STAU2: variants seen among roughly 807,000 people sequenced by gnomAD.
The protein encoded by STAU2 is double-stranded RNA-binding protein Staufen homolog 2.
A neutral mutation model predicts 65.9 loss-of-function variants in STAU2; 20 were observed. That is an observed-to-expected ratio of 0.30 (90% confidence interval 0.21 to 0.44). The LOEUF is 0.44. Among genes scored for constraint, STAU2 ranks in the 20% least tolerant of loss-of-function variants. The pLI is 1.00. For missense variants in STAU2, 558 were observed against 683.9 expected (o/e 0.82, Z 2.05); for synonymous variants, 232 against 233.9 (o/e 0.99, Z 0.07).
At chr8:73,686,058 A>C (rs1818787443) in intron 5 of STAU2, among the ~76,000 whole-genome samples, 1 of 152,248 alleles carries the variant, frequency 6.6e-6, no homozygotes, top group South Asian at 2.1e-4. Flanking sequence ...ACAGGAATGG[A>C]AAACCAAATG....
intron 12 of STAU2, among the ~76,000 whole-genome samples, chr8:73,563,169 A>G (rs1808360387): frequency 6.6e-6 from 1 of 152,190 alleles, no homozygotes; most frequent in Non-Finnish European, 1.5e-5. Context: ...TCACCCTTGC[A>G]AAGCTGTAAC....
At chr8:73,607,959 G>A (rs143435180) in intron 9 of STAU2, among the ~76,000 whole-genome samples, 95 of 152,192 alleles carry the variant, frequency 6.2e-4, no homozygotes, top group East Asian at 3.5e-3. Flanking sequence ...ACTTATGTAA[G>A]AGCCACTATG....
At chr8:73,472,129 AAT>A (rs1399214911) in intron 13 of STAU2, among the ~76,000 whole-genome samples, 18 of 152,252 alleles carry the variant, frequency 1.2e-4, no homozygotes, top group African/African-American at 4.3e-4. Flanking sequence ...AGTGTACTAG[AAT>A]TGGGTGGAGA....
intron 1 of STAU2, among the ~76,000 whole-genome samples, chr8:73,744,927 T>C (rs948599386): frequency 2.0e-5 from 3 of 152,206 alleles, no homozygotes; most frequent in Non-Finnish European, 4.4e-5. Flanking sequence ...AATTTAAAAA[T>C]TACACAGCAT....
chr8:73,476,432 G>A (rs1396445246), intron 13 of STAU2, among the ~76,000 whole-genome samples: 1 of 152,090 alleles, frequency 6.6e-6, no homozygotes, highest in Non-Finnish European at 1.5e-5. Flanking sequence ...AATCTAGATT[G>A]CTCTAACTCA....
At chr8:73,564,062 G>A (rs1054077521) in intron 12 of STAU2, among the ~76,000 whole-genome samples, 2 of 152,148 alleles carry the variant, frequency 1.3e-5, no homozygotes, top group African/African-American at 4.8e-5. Flanking sequence ...GCATAGCTTA[G>A]TGCCACATAG....
chr8:73,685,920 C>T (rs1285171753), intron 5 of STAU2, among the ~76,000 whole-genome samples: 5 of 152,078 alleles, frequency 3.3e-5, no homozygotes, highest in African/African-American at 1.2e-4. Flanking sequence ...CACCAATCAA[C>T]GAACGGATAA....
intron 3 of STAU2, among the ~76,000 whole-genome samples, chr8:73,723,093 T>G (rs1821796692): frequency 1.3e-5 from 2 of 151,860 alleles, no homozygotes; most frequent in Non-Finnish European, 2.9e-5. Context: ...CTAGAGTGCG[T>G]GCGTGCCCAC....
chr8:73,534,175 A>G (rs1203193898), intron 13 of STAU2, among the ~76,000 whole-genome samples: 1 of 152,206 alleles, frequency 6.6e-6, no homozygotes, highest in East Asian at 1.9e-4. Flanking sequence ...ATTCCACTGT[A>G]GCTACTGCAC....
intron 13 of STAU2, among the ~76,000 whole-genome samples, chr8:73,424,984 T>C (rs1816688106): frequency 6.6e-6 from 1 of 152,094 alleles, no homozygotes; most frequent in South Asian, 2.1e-4. Context: ...AGGTCAGTGA[T>C]GCCACCCCAT....
chr8:73,574,335 C>G (rs4333588), intron 12 of STAU2, among the ~76,000 whole-genome samples: 118,294 of 152,164 alleles, frequency 0.78, 46,407 homozygotes, highest in Admixed American at 0.83. Context: ...AACCATTGTG[C>G]AAGACAGTGT....
At chr8:73,544,464 TAC>T (rs1049473274) in intron 13 of STAU2, among the ~76,000 whole-genome samples, 1 of 152,184 alleles carries the variant, frequency 6.6e-6, no homozygotes, top group African/African-American at 2.4e-5. Context: ...CTCCCAACAA[TAC>T]ACACACATTT....
chr8:73,725,612 C>T (rs1284657969), intron 3 of STAU2, among the ~76,000 whole-genome samples: 3 of 152,186 alleles, frequency 2.0e-5, no homozygotes, highest in African/African-American at 7.2e-5. Flanking sequence ...GCCTGGCCAA[C>T]ATGGCAAAAC....
rs1268218539 is a variant in STAU2, at chr8:73,427,546, A to C, written c.1531-4844T>G. On this transcript the variant is annotated intron_variant, in intron 13 of 14. Coordinates refer to ENST00000524300, the MANE Select transcript of STAU2 (RefSeq NM_001164380.2). ...AGAAAGGAATTCACAGAGGAATTTG[A>C]CTCTCAGGGAGCTTTGATTCAGTGA... Among the ~76,000 whole-genome samples, 16 of 152,304 alleles carry C rather than the reference A, an allele frequency of 1.1e-4. No homozygotes were observed. The South Asian group carries it at 3.3e-3, about 32-fold the overall frequency.
chr8:73,692,534 T>C (rs1000752319), intron 4 of STAU2, among the ~76,000 whole-genome samples: 35 of 152,300 alleles, frequency 2.3e-4, no homozygotes, highest in African/African-American at 7.9e-4. Context: ...CCTATATACT[T>C]TAGAATATCC....
intron 1 of STAU2, among the ~76,000 whole-genome samples, chr8:73,745,835 T>C (rs1022724480): frequency 2.6e-5 from 4 of 152,104 alleles, no homozygotes; most frequent in African/African-American, 9.7e-5. Flanking sequence ...TCTACACACA[T>C]TTCCAAAGAC....
intron 4 of STAU2, among the ~76,000 whole-genome samples, chr8:73,694,739 T>C (rs967615507): frequency 6.6e-6 from 1 of 152,124 alleles, no homozygotes; most frequent in African/African-American, 2.4e-5. Context: ...ACATCAACCC[T>C]CTCCCACACT....
chr8:73,747,357 G>T (rs887026417), upstream of STAU2: 37 of 1,533,996 alleles, frequency 2.4e-5, no homozygotes, highest in Middle Eastern at 1.7e-4. Flanking sequence ...TTTCTGGTCC[G>T]CACCCTGTGC....
chr8:73,442,547 A>C (rs1303030328), intron 13 of STAU2, among the ~76,000 whole-genome samples: 2 of 152,094 alleles, frequency 1.3e-5, no homozygotes, highest in Non-Finnish European at 2.9e-5. Flanking sequence ...TCCACCCCTA[A>C]ATGAGAAGAA....
Sources: gnomAD v4.1 joint callset for allele counts (sites outside exome capture counted in the v4.1 genomes callset) on GRCh38, gnomAD v4.1.1 for gene constraint, MANE v1.5 for transcripts, NCBI Gene and HGNC (gene_info 2026-07-23, HGNC 2026-07-21) for gene names.